Variants in PNCK observed in about 807,000 individuals in gnomAD.
PNCK encodes pregnancy up-regulated nonubiquitous CaM kinase, also known as calcium/calmodulin-dependent protein kinase type 1B.
A neutral mutation model predicts 28.3 loss-of-function variants in PNCK; 21 were observed. That is an observed-to-expected ratio of 0.74 (90% CI 0.53 to 1.07). The LOEUF is 1.07. Among genes scored for constraint, PNCK ranks in the 50% least tolerant of loss-of-function variants. The probability of loss-of-function intolerance (pLI) is 0.00; values close to 1 mark genes in which losing one functional copy is unlikely to be tolerated. For synonymous variants in PNCK, 136 were observed against 125.2 expected (o/e 1.09, Z -0.58); for missense variants, 250 against 298.3 (o/e 0.84, Z 1.19).
chrX:153,672,454 G>T (rs1387797527), intron 3 of PNCK, 112 bp downstream of exon 3: 4 of 1,041,146 alleles, frequency 3.8e-6, no homozygotes, highest in Non-Finnish European at 5.2e-6. Context: ...CCCAGAGAGA[G>T]CACTGCCCCA....
chrX:153,673,251 C>G, intron 1 of PNCK, 173 bp from the exon 2 acceptor site: 1 of 1,200,563 alleles, frequency 8.3e-7, no homozygotes, highest in Non-Finnish European at 1.1e-6. Context: ...AGCGAGGCCA[C>G]CGCATACACG....
chrX:153,670,720 C>A (rs1557039417), intron 10 of PNCK, 24 bp downstream of exon 10: 1 of 1,182,407 alleles, frequency 8.5e-7, no homozygotes, highest in East Asian at 3.0e-5. Context: ...CGGGCGACCA[C>A]ACTGGGTCTC....
chrX:153,671,187 C>G lies in PNCK; in HGVS notation c.618G>C (p.Leu206=), dbSNP rs782001627. ...WALGVISYIL[L]CGYPPFYDES... ...CGTCGTAGAAGGGGGGGTACCCACA[C>G]AGCCTGGCACCCACAGATGAATCAT... The change falls in exon 8 of 12, where the codon CTG becomes CTC. Residue 206 remains leucine (L), a synonymous_variant. Transcript: ENST00000340888. 2.5e-6 allele frequency: 3 copies of G among 1,210,155 alleles called. No individual in the cohort carries two copies. The highest frequency in any genetic ancestry group is 1.7e-5 in the African/African-American group (1 of 57,210).
chrX:153,671,214 C>T (rs2091293875), intron 7 of PNCK, 24 bp from the exon 8 acceptor site: 1 of 1,209,150 alleles, frequency 8.3e-7, no homozygotes, highest in South Asian at 1.8e-5. Context: ...ATGAATCATC[C>T]AGCTGTCCCA....
In PNCK at chrX:153,685,637, G is replaced by A. The variant is rs181658966; in HGVS notation, c.-3+1794C>T. On this transcript the variant is annotated intron_variant, in intron 1 of 3. Coordinates refer to the PNCK transcript ENST00000419804. The stretch of plus-strand genomic sequence containing the variant: ...CGTGGAGGGAAAACTCAGGGGGAAC[G>A]CCCCGAGGCTGGGAGGGCACAGCCC... Among the ~76,000 whole-genome samples the A allele has an allele frequency of 3.6e-3, 402 of 112,808 alleles. 1 individual carries two copies. The highest frequency in any genetic ancestry group is 9.2e-3 in the Middle Eastern group (2 of 217).
At chrX:153,677,575 GTA>G (rs201777912), upstream of PNCK, among the ~76,000 whole-genome samples, 7 of 98,438 alleles carry the variant, frequency 7.1e-5, no homozygotes, top group Admixed American at 1.1e-4. Flanking sequence ...TATATAGTGT[GTA>G]TATATAGTGT....
upstream of PNCK, among the ~76,000 whole-genome samples, chrX:153,676,452 A>C (rs1327012884): frequency 3.6e-5 from 4 of 112,379 alleles, no homozygotes; most frequent in African/African-American, 1.3e-4. Context: ...CACAGTAGCA[A>C]GGACAAACGG....
chrX:153,676,586 G>C (rs1347295300), upstream of PNCK, among the ~76,000 whole-genome samples: 12 of 112,021 alleles, frequency 1.1e-4, no homozygotes, highest in Non-Finnish European at 2.1e-4. Flanking sequence ...AACTTATGCC[G>C]GGTGTGGTGG....
intron 1 of PNCK, among the ~76,000 whole-genome samples, chrX:153,684,474 T>G (rs1308713696): frequency 2.0e-5 from 2 of 100,977 alleles, no homozygotes; most frequent in African/African-American, 7.5e-5. Context: ...CTGCAGGCCC[T>G]CGCCCCCAGC....
chrX:153,670,273 T>A, intron 11 of PNCK, 143 bp from the exon 12 acceptor site: 1 of 629,097 alleles, frequency 1.6e-6, no homozygotes, highest in Non-Finnish European at 2.4e-6. Flanking sequence ...AAGCACCCAC[T>A]GGCCCTCCCT....
upstream of PNCK, among the ~76,000 whole-genome samples, chrX:153,677,756 GTATATATAGTGTGTA>G (rs1457694327): frequency 8.3e-5 from 8 of 96,337 alleles, no homozygotes; most frequent in South Asian, 4.7e-4. Flanking sequence ...TATATAGTGT[GTATATATAGTGTGTA>G]TATATATAGT....
chrX:153,676,311 C>T (rs1351143299), upstream of PNCK, among the ~76,000 whole-genome samples: 4 of 111,224 alleles, frequency 3.6e-5, no homozygotes, highest in Non-Finnish European at 7.5e-5. Context: ...TTTTCTAAGC[C>T]GTTTCGTAAG....
chrX:153,677,646 GTATATATATAGTGTGTA>G (rs1344652671), upstream of PNCK, among the ~76,000 whole-genome samples: 6 of 96,682 alleles, frequency 6.2e-5, no homozygotes, highest in South Asian at 4.8e-4. Context: ...TATATATAGT[GTATATATATAGTGTGTA>G]TATATATATA....
chrX:153,673,309 C>T lies in PNCK; in HGVS notation c.-2-231G>A, dbSNP rs782241190. ...CTGCTATCCCACGCACCCTCCCCCGCACCCCGAAGGCGACCAGCGCCTGGA... is the reference window on the plus strand; with the variant it reads ...CTGCTATCCCACGCACCCTCCCCCGTACCCCGAAGGCGACCAGCGCCTGGA... On this transcript the variant is annotated intron_variant, in intron 1 of 11. Transcript: ENST00000340888. The T allele has an allele frequency of 6.0e-6, 7 of 1,174,727 alleles. 1 individual carries two copies. Among genetic ancestry groups the T allele is most frequent in the Non-Finnish European group, 6.8e-6 (6 of 880,472 alleles).
intron 2 of PNCK, 127 bp from the exon 3 acceptor site, chrX:153,672,824 A>C: frequency 1.1e-6 from 1 of 920,785 alleles, no homozygotes; most frequent in Non-Finnish European, 1.5e-6. Context: ...GCCCTGTGCC[A>C]CCCCCCACCA....
At position 153,670,484 on chromosome X, in the gene PNCK, G is replaced by A. The variant is rs12856628; in HGVS notation, c.1005C>T (p.Leu335=). The change falls in exon 11 of 12, where the codon CTC becomes CTT. Residue 335 remains leucine (L), a synonymous_variant. Transcript: ENST00000340888. Reference sequence around the variant, plus strand: ...ACCACTTGGGGGGCTGGCCAGCACGGAGGCCTGAGTGGCTGTGGCGGGCCA... The same window carrying A: ...ACCACTTGGGGGGCTGGCCAGCACGAAGGCCTGAGTGGCTGTGGCGGGCCA... ...QGMARHSHSG[L]RAGQPPKW 1 of 1,211,484 alleles carries A rather than the reference G, an allele frequency of 8.3e-7. No individual in the cohort carries two copies. The highest frequency in any genetic ancestry group is 1.1e-6 in the Non-Finnish European group (1 of 895,495).
upstream of PNCK, among the ~76,000 whole-genome samples, chrX:153,675,594 C>A (rs1278965126): frequency 3.6e-5 from 4 of 111,627 alleles, no homozygotes; most frequent in Non-Finnish European, 3.8e-5. Flanking sequence ...GTAGTGCCAT[C>A]TCAGCTCACT....
Position 153,671,863 on chromosome X carries a change from A to G in PNCK, c.414+17T>C. The G allele has an allele frequency of 8.3e-7, 1 of 1,205,107 alleles. No individual in the cohort carries two copies. Among genetic ancestry groups the G allele is most frequent in the Admixed American group, 2.2e-5 (1 of 45,643 alleles). On this transcript the variant is annotated intron_variant, in intron 5 of 11. Coordinates refer to ENST00000340888, the MANE Select transcript of PNCK (RefSeq NM_001366977.1). ...GGGCAGGTGGGAGGGTGGGGTGCAG[A>G]GGCCCCAGCCAGGCACCTTGAGGTC... is the stretch of plus-strand genomic sequence containing the variant.
chrX:153,672,353 C>T, intron 3 of PNCK, 153 bp from the exon 4 acceptor site: 6 of 830,694 alleles, frequency 7.2e-6, no homozygotes, highest in Non-Finnish European at 1.0e-5. Flanking sequence ...GAAGGCAGAG[C>T]TCCAGCCTGA....
Sources: allele counts gnomAD v4.1 joint callset (sites outside exome capture counted in the v4.1 genomes callset), GRCh38; gene constraint gnomAD v4.1.1; transcripts MANE v1.5; gene names NCBI Gene and HGNC (gene_info 2026-07-23, HGNC 2026-07-21).